The following RIMS1 variants were observed in gnomAD, a reference collection of about 807,000 sequenced individuals.
RIMS1 encodes regulating synaptic membrane exocytosis 1.
In RIMS1, 83 loss-of-function variants were observed where a neutral mutation model predicts 214.1. The observed-to-expected ratio is 0.39, with a 90% CI of 0.32 to 0.47. The LOEUF (loss-of-function observed/expected upper bound fraction) is 0.47, where lower values mean the gene tolerates loss of function less well. Among genes scored for constraint, RIMS1 ranks in the 20% least tolerant of loss-of-function variants. RIMS1 has a pLI of 0.99. For synonymous variants in RIMS1, 793 were observed against 786.8 expected (o/e 1.01, Z -0.13); for missense variants, 2,050 against 2,161.8 (o/e 0.95, Z 1.03).
At chr6:72,090,203 A>G (rs1011649964) in intron 2 of RIMS1, among the ~76,000 whole-genome samples, 3 of 152,298 alleles carry the variant, frequency 2.0e-5, no homozygotes, top group Admixed American at 6.5e-5. Context: ...GATTGGGTCT[A>G]GCTTTGTTGC....
At chr6:72,086,847 T>C (rs1189344184) in intron 2 of RIMS1, among the ~76,000 whole-genome samples, 1 of 152,170 alleles carries the variant, frequency 6.6e-6, no homozygotes, top group Non-Finnish European at 1.5e-5. Context: ...TTCAGTTTAT[T>C]AGGAAGATCA....
chr6:72,048,623 G>T (rs554247427), intron 2 of RIMS1, among the ~76,000 whole-genome samples: 1 of 152,310 alleles, frequency 6.6e-6, no homozygotes, highest in African/African-American at 2.4e-5. Context: ...TCTGGACCTG[G>T]TGGATGAGGT....
chr6:72,033,699 T>C (rs1295203853), intron 2 of RIMS1, among the ~76,000 whole-genome samples: 1 of 151,898 alleles, frequency 6.6e-6, no homozygotes, highest in African/African-American at 2.4e-5. Flanking sequence ...CCAGACTGGT[T>C]TCGAACTCCT....
At chr6:72,315,386 G>A (rs1045781951) in intron 28 of RIMS1, among the ~76,000 whole-genome samples, 1 of 151,926 alleles carries the variant, frequency 6.6e-6, no homozygotes, top group African/African-American at 2.4e-5. Context: ...TCCCTTCTTT[G>A]TAGTTTAAAA....
At chr6:72,012,736 A>G (rs912079836) in intron 2 of RIMS1, among the ~76,000 whole-genome samples, 1 of 152,164 alleles carries the variant, frequency 6.6e-6, no homozygotes, top group Non-Finnish European at 1.5e-5. Flanking sequence ...AAGAATCTAG[A>G]TTGGATTTGG....
In RIMS1 at chr6:72,175,625, A is replaced by G. The variant is rs2047599199; in HGVS notation, c.472-3950A>G. 2.0e-5 allele frequency among the ~76,000 whole-genome samples: 3 copies of G among 152,040 alleles called. 1 individual carries two copies. Among genetic ancestry groups the G allele is most frequent in the South Asian group, 4.2e-4 (2 of 4,818 alleles). On this transcript the variant is annotated intron_variant, in intron 4 of 33. Coordinates refer to ENST00000521978, the MANE Select transcript of RIMS1 (RefSeq NM_014989.7). ...GAGGCGGAGGTTGCAGTGAGCCAAG[A>G]TCGCGACACTGAACTCCAGCCTGGG...
Position 72,056,673 on chromosome 6 carries a change from C to T in RIMS1, c.246-40276C>T, listed in dbSNP as rs539578145. 7.2e-5 allele frequency among the ~76,000 whole-genome samples: 11 copies of T among 152,252 alleles called. No individual in the cohort carries two copies. The South Asian group carries it at 2.3e-3, about 32-fold the overall frequency. ...TTTGGCCTCTAATGACAAATATGAC[C>T]ATTATCTTTTAAATGGGTAGTTGTC... On this transcript the variant is annotated intron_variant, in intron 2 of 33. Transcript: ENST00000521978.
intron 31 of RIMS1, among the ~76,000 whole-genome samples, chr6:72,393,521 G>A (rs982542923): frequency 1.2e-4 from 18 of 152,214 alleles, no homozygotes; most frequent in African/African-American, 3.6e-4. Flanking sequence ...TCAGGAGACC[G>A]AGACCATCCT....
chr6:71,910,363 A>G (rs1382583345), intron 1 of RIMS1, among the ~76,000 whole-genome samples: 3 of 152,188 alleles, frequency 2.0e-5, no homozygotes, highest in African/African-American at 7.2e-5. Flanking sequence ...AATATTGTGC[A>G]TTCTTGGACT....
intron 4 of RIMS1, among the ~76,000 whole-genome samples, chr6:72,124,681 T>G (rs551988308): frequency 6.8e-6 from 1 of 147,662 alleles, no homozygotes; most frequent in African/African-American, 2.4e-5. Context: ...TGTTTCTTTT[T>G]ACTCTTTTTT....
intron 4 of RIMS1, among the ~76,000 whole-genome samples, chr6:72,177,260 T>G (rs2047839205): frequency 2.6e-5 from 4 of 152,196 alleles, no homozygotes; most frequent in Non-Finnish European, 5.9e-5. Flanking sequence ...TATTTCTTAT[T>G]ATTTATTTTG....
At chr6:72,378,975 A>C (rs2098440859) in intron 29 of RIMS1, among the ~76,000 whole-genome samples, 1 of 152,354 alleles carries the variant, frequency 6.6e-6, no homozygotes, top group Non-Finnish European at 1.5e-5. Context: ...TTTGTGGGGA[A>C]GAAAAATTTC....
chr6:72,354,007 G>A (rs962640977), intron 29 of RIMS1, among the ~76,000 whole-genome samples: 1 of 152,186 alleles, frequency 6.6e-6, no homozygotes, highest in East Asian at 1.9e-4. Context: ...ATCACCTGAG[G>A]TCAGGAGTTA....
At chr6:72,178,063 T>C (rs2047952809) in intron 4 of RIMS1, among the ~76,000 whole-genome samples, 1 of 152,244 alleles carries the variant, frequency 6.6e-6, no homozygotes. Flanking sequence ...TAATACTTTG[T>C]GTAGACATTA....
intron 1 of RIMS1, among the ~76,000 whole-genome samples, chr6:71,942,882 C>T (rs926911872): frequency 1.3e-5 from 2 of 151,746 alleles, no homozygotes; most frequent in East Asian, 1.9e-4. Context: ...AAAATGTGTA[C>T]AAATATTAAA....
chr6:72,012,605 A>G (rs1263414034), intron 2 of RIMS1, among the ~76,000 whole-genome samples: 1 of 152,190 alleles, frequency 6.6e-6, no homozygotes, highest in East Asian at 1.9e-4. Context: ...GAGGCATAGA[A>G]GAGAACTTGA....
intron 4 of RIMS1, among the ~76,000 whole-genome samples, chr6:72,119,858 G>C (rs1022984783): frequency 6.6e-6 from 1 of 151,520 alleles, no homozygotes; most frequent in East Asian, 1.9e-4. Flanking sequence ...CTGTGTCCAA[G>C]TATTCTCATT....
chr6:71,988,385 A>G (rs1800641940), intron 2 of RIMS1, among the ~76,000 whole-genome samples: 1 of 151,924 alleles, frequency 6.6e-6, no homozygotes, highest in African/African-American at 2.4e-5. Flanking sequence ...TGCCTATCCA[A>G]GTTCTTTGGG....
At chr6:72,041,359 A>G (rs1821384846) in intron 2 of RIMS1, among the ~76,000 whole-genome samples, 1 of 151,904 alleles carries the variant, frequency 6.6e-6, no homozygotes, top group African/African-American at 2.4e-5. Context: ...AAAAGGCTTT[A>G]TAAGAAAGTT....
Sources: gnomAD v4.1 joint callset for allele counts (sites outside exome capture counted in the v4.1 genomes callset) on GRCh38, gnomAD v4.1.1 for gene constraint, MANE v1.5 for transcripts, NCBI Gene and HGNC (gene_info 2026-07-23, HGNC 2026-07-21) for gene names.